Variants in PCDHGA7 observed in about 807,000 individuals in gnomAD.
PCDHGA7 encodes protocadherin gamma subfamily A, 7, also known as protocadherin gamma-A7.
PCDHGA7 carries 44 observed loss-of-function variants against 58.3 expected under a neutral mutation model. The observed-to-expected ratio is 0.75, with a 90% CI of 0.59 to 0.97. PCDHGA7 has a LOEUF of 0.97. Among genes scored for constraint, PCDHGA7 ranks in the 50% least tolerant of loss-of-function variants. PCDHGA7 has a pLI of 0.00. For synonymous variants in PCDHGA7, 516 were observed against 504.2 expected (o/e 1.02, Z -0.31); for missense variants, 1,266 against 1,188.7 (o/e 1.06, Z -0.96).
At chr5:141,443,792 A>G (rs540226154) in intron 1 of PCDHGA7, among the ~76,000 whole-genome samples, 67 of 152,366 alleles carry the variant, frequency 4.4e-4, no homozygotes, top group African/African-American at 1.4e-3. Flanking sequence ...AAAAAAAATG[A>G]AAAGGAAACA....
In PCDHGA7 at chr5:141,383,073, G is replaced by A; in HGVS notation, c.174G>A (p.Glu58=). Residue 58 remains glutamate (E), a synonymous_variant, in exon 1 of 4, where the codon GAG becomes GAA. Transcript: ENST00000518325. ...AGGACCTGGGGCTGGAGCCCCGGGA[G>A]CTGGCGGAGCGCGGAGTCCGCATCA... ...IAKDLGLEPR[E]LAERGVRIIS... is the part of the protein sequence containing the mutation. The A allele has an allele frequency of 6.2e-7, 1 of 1,613,920 alleles. No homozygotes were observed.
rs1228676619 is a variant in PCDHGA7, at chr5:141,388,743, A to T, written c.2424+3420A>T. 3 of 1,614,034 alleles carry T rather than the reference A, an allele frequency of 1.9e-6. No homozygotes were observed. The Admixed American group carries it at 5.0e-5, about 27-fold the overall frequency. On this transcript the variant is annotated intron_variant, in intron 1 of 3. Coordinates refer to ENST00000518325, the MANE Select transcript of PCDHGA7 (RefSeq NM_018920.4). ...TTTCTCTTTCAGTGAAGCTAGCCAG[A>T]TCACCCAATTTGACCTGAACTCTAA...
intron 1 of PCDHGA7, chr5:141,388,173 G>A (rs2091270272): frequency 1.3e-6 from 2 of 1,502,222 alleles, no homozygotes; most frequent in South Asian, 2.3e-5. Flanking sequence ...GGAGATATGC[G>A]GGAAGAAGCC....
At chr5:141,415,205 C>A (rs2095843771) in intron 1 of PCDHGA7, 2 of 1,614,040 alleles carry the variant, frequency 1.2e-6, no homozygotes, top group Non-Finnish European at 1.7e-6. Context: ...CAAGTCCTGG[C>A]GGACCTCGGC....
intron 1 of PCDHGA7, chr5:141,415,794 A>G: frequency 1.5e-6 from 2 of 1,366,408 alleles, no homozygotes; most frequent in Non-Finnish European, 1.9e-6. Context: ...AAATTCACCT[A>G]GTCTCAATCA....
intron 1 of PCDHGA7, among the ~76,000 whole-genome samples, chr5:141,454,743 G>A (rs1050167077): frequency 6.7e-6 from 1 of 149,684 alleles, no homozygotes; most frequent in African/African-American, 2.5e-5. Context: ...ATGAAAAGAG[G>A]CCAAACTAAT....
intron 1 of PCDHGA7, among the ~76,000 whole-genome samples, chr5:141,474,266 G>A (rs1420620306): frequency 6.6e-6 from 1 of 152,186 alleles, no homozygotes; most frequent in Non-Finnish European, 1.5e-5. Context: ...ATAAACCAGT[G>A]TATCTCTGAA....
At chr5:141,500,475 C>T (rs1193752670) in intron 2 of PCDHGA7, among the ~76,000 whole-genome samples, 1 of 152,024 alleles carries the variant, frequency 6.6e-6, no homozygotes, top group African/African-American at 2.4e-5. Flanking sequence ...TCCCAAAGTG[C>T]TGGGATTACA....
intron 1 of PCDHGA7, among the ~76,000 whole-genome samples, chr5:141,437,093 C>T (rs1382920904): frequency 2.6e-5 from 4 of 152,136 alleles, no homozygotes; most frequent in East Asian, 1.9e-4. Flanking sequence ...TTGAAACTAA[C>T]GGCTTAGCTT....
At chr5:141,398,910 G>A (rs1465229535) in intron 1 of PCDHGA7, 1 of 1,613,972 alleles carries the variant, frequency 6.2e-7, no homozygotes, top group South Asian at 1.1e-5. Flanking sequence ...GCACCACTGT[G>A]TTGCAAGTGT....
intron 1 of PCDHGA7, chr5:141,422,327 T>C (rs1561800795): frequency 1.3e-6 from 2 of 1,548,652 alleles, no homozygotes; most frequent in African/African-American, 2.8e-5. Context: ...GGTACAGTGA[T>C]TGCTCTTCTA....
intron 1 of PCDHGA7, among the ~76,000 whole-genome samples, chr5:141,457,155 A>G (rs1403164805): frequency 1.3e-5 from 2 of 152,216 alleles, no homozygotes; most frequent in Admixed American, 6.5e-5. Flanking sequence ...AGAAGGTGCT[A>G]CCATGGATAA....
At position 141,389,550 on chromosome 5, in the gene PCDHGA7, A is replaced by T. The variant is rs767434946; in HGVS notation, c.2424+4227A>T. The T allele has an allele frequency of 3.7e-6, 6 of 1,613,098 alleles. No individual in the cohort carries two copies. The African/African-American group carries it at 4.0e-5, about 11-fold the overall frequency. On this transcript the variant is annotated intron_variant, in intron 1 of 3. Transcript: ENST00000518325. ...CGTGTTAGTGGACGACCGCAACGAC[A>T]ATGCGCCACGGGTGCTGTACCCCGC...
Position 141,414,286 on chromosome 5 carries a change from G to A in PCDHGA7, c.2424+28963G>A, listed in dbSNP as rs2095728607. ...AGATTCACCTCTGGGAACAGTCGTA[G>A]CCCTTTTAAATGTGCATGATTTAGA... On this transcript the variant is annotated intron_variant, in intron 1 of 3. Coordinates refer to ENST00000518325, the MANE Select transcript of PCDHGA7 (RefSeq NM_018920.4). 1.9e-6 allele frequency: 3 copies of A among 1,613,586 alleles called. No individual in the cohort carries two copies. The highest frequency in any genetic ancestry group is 2.5e-6 in the Non-Finnish European group (3 of 1,179,770).
At chr5:141,413,406 G>A (rs2095636376) in intron 1 of PCDHGA7, 1 of 1,613,950 alleles carries the variant, frequency 6.2e-7, no homozygotes, top group Non-Finnish European at 8.5e-7. Context: ...GTAGGACGCA[G>A]CTTTTCTCTC....
chr5:141,421,455 C>A (rs762490406), intron 1 of PCDHGA7: 1 of 1,614,108 alleles, frequency 6.2e-7, no homozygotes, highest in South Asian at 1.1e-5. Flanking sequence ...CACAGCTTTT[C>A]GCTGTGAATC....
intron 1 of PCDHGA7, among the ~76,000 whole-genome samples, chr5:141,446,482 C>CT (rs112180482): frequency 6.3e-4 from 92 of 147,004 alleles, no homozygotes; most frequent in East Asian, 4.0e-3. Context: ...GGTCATCATT[C>CT]TTTTTTTTTT....
At position 141,404,149 on chromosome 5, in the gene PCDHGA7, A is replaced by G. The variant is rs758060942; in HGVS notation, c.2424+18826A>G. The G allele has an allele frequency of 3.1e-6, 5 of 1,612,750 alleles. No individual in the cohort carries two copies. In the African/African-American group the frequency reaches 5.3e-5, roughly 17 times the overall value. On this transcript the variant is annotated intron_variant, in intron 1 of 3. Transcript: ENST00000518325. Reference sequence around the variant, plus strand: ...CTTTTACATTAGAAAATTCAGAAGAAGATTATTACAGATTGTTGACGGCCC... The same window carrying G: ...CTTTTACATTAGAAAATTCAGAAGAGGATTATTACAGATTGTTGACGGCCC...
chr5:141,422,913 G>T, intron 1 of PCDHGA7: 1 of 1,614,248 alleles, frequency 6.2e-7, no homozygotes, highest in Non-Finnish European at 8.5e-7. Context: ...ATGCGCCCGA[G>T]ATCCTGTACC....
Sources: allele counts gnomAD v4.1 joint callset (sites outside exome capture counted in the v4.1 genomes callset), GRCh38; gene constraint gnomAD v4.1.1; transcripts MANE v1.5; gene names NCBI Gene and HGNC (gene_info 2026-07-23, HGNC 2026-07-21).